The following LHFPL3 variants were observed in gnomAD, a reference collection of about 807,000 sequenced individuals.
LHFPL3 encodes LHFPL tetraspan subfamily member 3 protein.
In LHFPL3, 5 loss-of-function variants were observed where a neutral mutation model predicts 19.3. That is an observed-to-expected ratio of 0.26 (90% CI 0.14 to 0.54). LHFPL3 has a LOEUF of 0.54. Among genes scored for constraint, LHFPL3 ranks in the 20% least tolerant of loss-of-function variants. The pLI, the probability that LHFPL3 is intolerant of heterozygous loss-of-function variation, is 0.94. For synonymous variants in LHFPL3, 133 were observed against 126.2 expected, an observed-to-expected ratio of 1.05 and a Z score of -0.36; for missense variants, 249 against 307.4, an observed-to-expected ratio of 0.81 and a Z score of 1.42.
At chr7:104,491,126 G>C (rs1285026532) in intron 1 of LHFPL3, among the ~76,000 whole-genome samples, 1 of 148,538 alleles carries the variant, frequency 6.7e-6, no homozygotes, top group Non-Finnish European at 1.5e-5. Flanking sequence ...GACTCTGGAA[G>C]ACAACTTAGG....
intron 1 of LHFPL3, among the ~76,000 whole-genome samples, chr7:104,659,044 C>T (rs1224213022): frequency 6.6e-6 from 1 of 152,228 alleles, no homozygotes; most frequent in East Asian, 1.9e-4. Context: ...CTTACACCAT[C>T]AGATTCCCTG....
At chr7:104,575,199 T>C (rs1246195116) in intron 1 of LHFPL3, among the ~76,000 whole-genome samples, 2 of 152,152 alleles carry the variant, frequency 1.3e-5, no homozygotes, top group Non-Finnish European at 2.9e-5. Flanking sequence ...TTTTCTCCAT[T>C]TAGCCTGACC....
At chr7:104,862,235 C>T (rs1791630659) in intron 2 of LHFPL3, among the ~76,000 whole-genome samples, 1 of 152,088 alleles carries the variant, frequency 6.6e-6, no homozygotes, top group Non-Finnish European at 1.5e-5. Flanking sequence ...CCACCTTTTG[C>T]TGGAAGTTAC....
intron 1 of LHFPL3, among the ~76,000 whole-genome samples, chr7:104,599,217 G>T (rs1001374981): frequency 2.0e-5 from 3 of 152,164 alleles, no homozygotes; most frequent in African/African-American, 7.2e-5. Context: ...TATTCCTATA[G>T]ATTGATTTCT....
intron 1 of LHFPL3, among the ~76,000 whole-genome samples, chr7:104,343,808 C>T (rs1317236317): frequency 6.6e-6 from 1 of 151,966 alleles, no homozygotes; most frequent in Non-Finnish European, 1.5e-5. Context: ...CCCCTGATTA[C>T]ATCCCCTCTC....
intron 2 of LHFPL3, among the ~76,000 whole-genome samples, chr7:104,777,728 C>G (rs1425850218): frequency 6.6e-6 from 1 of 152,058 alleles, no homozygotes; most frequent in Non-Finnish European, 1.5e-5. Flanking sequence ...GTACAATGCT[C>G]GGTTCAGTTG....
intron 2 of LHFPL3, among the ~76,000 whole-genome samples, chr7:104,754,595 A>G (rs1418328894): frequency 6.6e-6 from 1 of 152,262 alleles, no homozygotes; most frequent in Non-Finnish European, 1.5e-5. Context: ...TTTAAAACAC[A>G]TAATCCAAGT....
chr7:104,418,447 A>G (rs974115493), intron 1 of LHFPL3, among the ~76,000 whole-genome samples: 2 of 152,066 alleles, frequency 1.3e-5, no homozygotes, highest in East Asian at 3.9e-4. Context: ...CAGGAGGAAC[A>G]CTTGAGCCCA....
intron 2 of LHFPL3, chr7:104,738,476 C>G (rs1793871118): frequency 6.6e-6 from 1 of 152,112 alleles, no homozygotes; most frequent in African/African-American, 2.4e-5. Context: ...TTTTTGCCCC[C>G]ACCTAAATGG....
At chr7:104,471,946 G>A (rs1792915473) in intron 1 of LHFPL3, among the ~76,000 whole-genome samples, 1 of 152,138 alleles carries the variant, frequency 6.6e-6, no homozygotes, top group Admixed American at 6.5e-5. Context: ...AGGAGGCCGA[G>A]GCAGGAGGAT....
chr7:104,585,610 T>C (rs1398349596), intron 1 of LHFPL3, among the ~76,000 whole-genome samples: 2 of 151,938 alleles, frequency 1.3e-5, no homozygotes, highest in East Asian at 1.9e-4. Context: ...AGTATGTCAG[T>C]TGATAACTTT....
chr7:104,843,990 G>A (rs537473908), intron 2 of LHFPL3, among the ~76,000 whole-genome samples: 46 of 152,326 alleles, frequency 3.0e-4, no homozygotes, highest in Middle Eastern at 3.4e-3. Context: ...CCCTGGTGCT[G>A]ACCAACCAGG....
intron 2 of LHFPL3, among the ~76,000 whole-genome samples, chr7:104,848,623 AAGG>A (rs1304552870): frequency 1.4e-5 from 2 of 146,774 alleles, no homozygotes; most frequent in African/African-American, 4.9e-5. Context: ...TGTCTGAGGA[AAGG>A]GAGGGAGGGA....
chr7:104,864,123 T>C (rs1193352426), intron 2 of LHFPL3, among the ~76,000 whole-genome samples: 3 of 152,344 alleles, frequency 2.0e-5, no homozygotes, highest in South Asian at 4.1e-4. Flanking sequence ...TGTGTAAAAG[T>C]TCTGTACAAG....
chr7:104,332,885 A>G (rs1801596907), intron 1 of LHFPL3, among the ~76,000 whole-genome samples: 2 of 152,070 alleles, frequency 1.3e-5, no homozygotes, highest in Admixed American at 6.5e-5. Flanking sequence ...AATACATAAA[A>G]TAATGATAAT....
chr7:104,779,164 GTTTC>G (rs1437500127), intron 2 of LHFPL3, among the ~76,000 whole-genome samples: 2 of 152,128 alleles, frequency 1.3e-5, no homozygotes, highest in African/African-American at 2.4e-5. Context: ...CTATGCCTTA[GTTTC>G]TTTATCTATT....
At chr7:104,504,379 C>T (rs1392706677) in intron 1 of LHFPL3, among the ~76,000 whole-genome samples, 1 of 152,188 alleles carries the variant, frequency 6.6e-6, no homozygotes, top group East Asian at 1.9e-4. Flanking sequence ...TTTCATCTTA[C>T]ATTTTACTCC....
intron 1 of LHFPL3, among the ~76,000 whole-genome samples, chr7:104,347,928 T>A (rs966315217): frequency 6.6e-6 from 1 of 152,034 alleles, no homozygotes; most frequent in Non-Finnish European, 1.5e-5. Context: ...TGCCTTGTTT[T>A]CTGATACACA....
intron 1 of LHFPL3, among the ~76,000 whole-genome samples, chr7:104,542,988 T>C (rs1438700665): frequency 6.6e-6 from 1 of 152,118 alleles, no homozygotes; most frequent in African/African-American, 2.4e-5. Flanking sequence ...AACAATGAGT[T>C]CATGTCCATT....
Sources: allele counts gnomAD v4.1 joint callset (sites outside exome capture counted in the v4.1 genomes callset), GRCh38; gene constraint gnomAD v4.1.1; transcripts MANE v1.5; gene names NCBI Gene and HGNC (gene_info 2026-07-23, HGNC 2026-07-21).